The following STK32B variants were observed in gnomAD, a reference collection of about 807,000 sequenced individuals.
STK32B encodes serine/threonine kinase 32B.
Under a neutral mutation model 52.6 loss-of-function variants are expected in STK32B, and 43 were observed. That is an observed-to-expected ratio of 0.82 (90% CI 0.64 to 1.05). The LOEUF is 1.05. Ranked by LOEUF, STK32B falls within the 50% of genes least tolerant of loss-of-function variation. STK32B has a pLI of 0.00. For synonymous variants in STK32B, 238 were observed against 204.3 expected (o/e 1.17, Z -1.41); for missense variants, 621 against 534.6 (o/e 1.16, Z -1.59).
At chr4:5,438,373 G>A (rs1180059395) in intron 6 of STK32B, among the ~76,000 whole-genome samples, 1 of 152,222 alleles carries the variant, frequency 6.6e-6, no homozygotes, top group African/African-American at 2.4e-5. Context: ...TAATGAACAA[G>A]TGTGATCACT....
intron 2 of STK32B, among the ~76,000 whole-genome samples, chr4:5,160,361 A>T (rs899788186): frequency 6.6e-6 from 1 of 152,180 alleles, no homozygotes; most frequent in African/African-American, 2.4e-5. Flanking sequence ...TGTACAGATG[A>T]GGAAGTTGAG....
chr4:5,445,143 A>G (rs1715271433), intron 6 of STK32B, among the ~76,000 whole-genome samples: 3 of 152,168 alleles, frequency 2.0e-5, no homozygotes, highest in East Asian at 3.9e-4. Context: ...GCTGTTGTGA[A>G]GAGGAAAGGA....
At chr4:5,244,434 A>T (rs1725293732) in intron 3 of STK32B, among the ~76,000 whole-genome samples, 1 of 152,010 alleles carries the variant, frequency 6.6e-6, no homozygotes, top group Non-Finnish European at 1.5e-5. Context: ...GCCCATTGTC[A>T]TTTTTTATTG....
At chr4:5,227,638 A>G (rs888412824) in intron 3 of STK32B, among the ~76,000 whole-genome samples, 1 of 152,226 alleles carries the variant, frequency 6.6e-6, no homozygotes, top group African/African-American at 2.4e-5. Flanking sequence ...CATTCTGTGA[A>G]GTAAAAATGA....
At chr4:5,415,186 G>T (rs1712055028) in intron 5 of STK32B, among the ~76,000 whole-genome samples, 1 of 152,188 alleles carries the variant, frequency 6.6e-6, no homozygotes, top group Admixed American at 6.5e-5. Flanking sequence ...AATGCTAAAA[G>T]CAAACACTTA....
intron 2 of STK32B, among the ~76,000 whole-genome samples, chr4:5,165,442 T>C (rs759640542): frequency 2.0e-5 from 3 of 152,094 alleles, no homozygotes; most frequent in Non-Finnish European, 4.4e-5. Context: ...AGAAGCGCCA[T>C]GGATGTCTTT....
At position 5,051,829 on chromosome 4, in the gene STK32B, G is replaced by C. The variant is rs75607574; in HGVS notation, c.-35G>C. 13 of 1,577,780 alleles carry C rather than the reference G, an allele frequency of 8.2e-6. No homozygotes were observed. The highest frequency in any genetic ancestry group is 8.1e-5 in the African/African-American group (6 of 73,676). ...CACATCCCGCATCCGGCATCCCAGC[G>C]GCCGGGCATGTAGCAGCGGCAGCAA... On this transcript the variant is annotated 5_prime_UTR_variant, in exon 1 of 12. Coordinates refer to ENST00000282908, the MANE Select transcript of STK32B (RefSeq NM_018401.3).
At chr4:5,025,267 C>T in the STK32B span, among the ~76,000 whole-genome samples, 1 of 152,144 alleles carries the variant, frequency 6.6e-6, no homozygotes, top group Admixed American at 6.5e-5. Context: ...CCCACCTCCA[C>T]ATCTATGCTG....
chr4:5,186,557 T>C (rs1461186666), intron 3 of STK32B, among the ~76,000 whole-genome samples: 22 of 152,134 alleles, frequency 1.4e-4, no homozygotes, highest in Admixed American at 1.4e-3. Flanking sequence ...TATCGTGCTT[T>C]GGTGTCCTGG....
intron 3 of STK32B, among the ~76,000 whole-genome samples, chr4:5,196,500 A>G (rs1721682511): frequency 6.6e-6 from 1 of 151,710 alleles, no homozygotes; most frequent in African/African-American, 2.4e-5. Flanking sequence ...CGGTGCGTAG[A>G]TCACGAGGTC....
intron 3 of STK32B, among the ~76,000 whole-genome samples, chr4:5,316,175 A>C (rs1730680330): frequency 1.0e-5 from 1 of 95,588 alleles, no homozygotes; most frequent in South Asian, 3.1e-4. Flanking sequence ...AAATATATAT[A>C]TAACTAAATA....
intron 5 of STK32B, among the ~76,000 whole-genome samples, chr4:5,402,490 C>G (rs1431388163): frequency 6.6e-6 from 1 of 152,258 alleles, no homozygotes; most frequent in Non-Finnish European, 1.5e-5. Flanking sequence ...TAGTCTTCGT[C>G]CTCTTTGGGA....
intron 3 of STK32B, among the ~76,000 whole-genome samples, chr4:5,311,589 A>G (rs1175278443): frequency 6.6e-6 from 1 of 152,162 alleles, no homozygotes; most frequent in African/African-American, 2.4e-5. Flanking sequence ...AAAACCAGGA[A>G]TGAAACAGAG....
At chr4:5,129,802 C>A (rs1306110473) in intron 1 of STK32B, among the ~76,000 whole-genome samples, 2 of 152,148 alleles carry the variant, frequency 1.3e-5, no homozygotes, top group East Asian at 1.9e-4. Context: ...GCAGAAGTGA[C>A]CCTCTCATTG....
At chr4:5,019,744 A>G in the STK32B span, among the ~76,000 whole-genome samples, 1 of 152,084 alleles carries the variant, frequency 6.6e-6, no homozygotes, top group African/African-American at 2.4e-5. Flanking sequence ...CTGAAAAGGC[A>G]GGAACAGCAG....
intron 1 of STK32B, among the ~76,000 whole-genome samples, chr4:5,095,203 C>T (rs1304697852): frequency 6.6e-6 from 1 of 152,126 alleles, no homozygotes; most frequent in African/African-American, 2.4e-5. Flanking sequence ...TGGGTAAGGG[C>T]AGGCTGGGAA....
At chr4:5,324,224 T>C (rs1577349303) in intron 3 of STK32B, among the ~76,000 whole-genome samples, 1 of 152,126 alleles carries the variant, frequency 6.6e-6, no homozygotes, top group East Asian at 1.9e-4. Flanking sequence ...TGTGGTGGCA[T>C]GGGCCTGTAA....
intron 6 of STK32B, among the ~76,000 whole-genome samples, chr4:5,421,720 C>G (rs1712665877): frequency 6.6e-6 from 1 of 152,236 alleles, no homozygotes; most frequent in African/African-American, 2.4e-5. Context: ...GCTGGGCACT[C>G]TCCTCCATGG....
chr4:5,128,439 C>G (rs539879146), intron 1 of STK32B, among the ~76,000 whole-genome samples: 1 of 152,236 alleles, frequency 6.6e-6, no homozygotes, highest in Non-Finnish European at 1.5e-5. Flanking sequence ...ATCTTCTGTC[C>G]TGAGGTTTTT....
Sources: gnomAD v4.1 joint callset for allele counts (sites outside exome capture counted in the v4.1 genomes callset) on GRCh38, gnomAD v4.1.1 for gene constraint, MANE v1.5 for transcripts, NCBI Gene and HGNC (gene_info 2026-07-23, HGNC 2026-07-21) for gene names.